Variants in NACC2 observed in about 807,000 individuals in gnomAD.
NACC2 encodes nucleus accumbens-associated protein 2.
Under a neutral mutation model 25.1 loss-of-function variants are expected in NACC2, and 8 were observed. That is an observed-to-expected ratio of 0.32 (90% confidence interval 0.19 to 0.57). The LOEUF is 0.57. NACC2 is among the 20% of genes least tolerant of loss of function. The probability of loss-of-function intolerance (pLI) is 0.89; values close to 1 mark genes in which losing one functional copy is unlikely to be tolerated. For missense variants in NACC2, 644 were observed against 650.2 expected, an observed-to-expected ratio of 0.99 and a Z score of 0.10; for synonymous variants, 435 against 294.7, an observed-to-expected ratio of 1.48 and a Z score of -4.88.
At chr9:136,078,437 C>T (rs1460788988) in intron 1 of NACC2, among the ~76,000 whole-genome samples, 2 of 152,168 alleles carry the variant, frequency 1.3e-5, no homozygotes, top group East Asian at 3.8e-4. Context: ...AATGGCAATC[C>T]TTAATACAGG....
At chr9:136,026,576 G>A (rs1840393675) in intron 2 of NACC2, among the ~76,000 whole-genome samples, 2 of 152,202 alleles carry the variant, frequency 1.3e-5, no homozygotes, top group South Asian at 2.1e-4. Context: ...AGGAGGGAGT[G>A]AGGTAACGCA....
In NACC2 at chr9:136,023,679, C is replaced by A. The variant is rs527649683; in HGVS notation, c.887-7250G>T. ...CTTTCCTGCTCTACATCCATCCACA[C>A]GTTTCTCAGACTTGCCCAAGGACAT... On this transcript the variant is annotated intron_variant, in intron 2 of 5. Coordinates refer to ENST00000277554, the MANE Select transcript of NACC2 (RefSeq NM_144653.5). Among the ~76,000 whole-genome samples the A allele has an allele frequency of 3.8e-4, 58 of 152,230 alleles. 1 individual carries two copies. The highest frequency in any genetic ancestry group is 5.6e-4 in the Non-Finnish European group (38 of 68,042).
At position 136,083,624 on chromosome 9, in the gene NACC2, C is replaced by T. The variant is rs536789931; in HGVS notation, c.-60+11565G>A. 6.6e-5 allele frequency among the ~76,000 whole-genome samples: 10 copies of T among 152,218 alleles called. No homozygotes were observed. The East Asian group carries it at 1.5e-3, about 24-fold the overall frequency. ...TGCAGAGGCCAGGCCGAGACTGGCA[C>T]GAGACGGGCATGAGCCCAGGGCACC... On this transcript the variant is annotated intron_variant, in intron 1 of 5. Transcript: ENST00000277554.
chr9:136,050,826 G>A (rs931376299), intron 1 of NACC2, among the ~76,000 whole-genome samples: 1 of 152,168 alleles, frequency 6.6e-6, no homozygotes, highest in African/African-American at 2.4e-5. Flanking sequence ...TGCCCGGCAG[G>A]AGTGCGCCCA....
At chr9:136,066,671 G>T (rs1018326725) in intron 1 of NACC2, among the ~76,000 whole-genome samples, 5 of 152,156 alleles carry the variant, frequency 3.3e-5, no homozygotes, top group Non-Finnish European at 7.3e-5. Flanking sequence ...GCATCCACAC[G>T]CAAACTTGTT....
intron 2 of NACC2, among the ~76,000 whole-genome samples, chr9:136,024,907 C>A (rs1199714462): frequency 6.6e-6 from 1 of 152,218 alleles, no homozygotes; most frequent in African/African-American, 2.4e-5. Context: ...GAGCCGGGAG[C>A]CTCGGGGCCC....
chr9:136,030,601 C>T (rs1840458856), intron 2 of NACC2, among the ~76,000 whole-genome samples: 2 of 148,560 alleles, frequency 1.3e-5, no homozygotes, highest in South Asian at 4.3e-4. Context: ...CAGAGCAAGA[C>T]TCCGTCTCAA....
At chr9:136,051,876 A>AAGGAGGAGGAGGAGG (rs1162435573) in intron 1 of NACC2, among the ~76,000 whole-genome samples, 1,973 of 131,856 alleles carry the variant, frequency 0.015, 82 homozygotes, top group East Asian at 0.062. Context: ...GGGAGCCGGC[A>AAGGAGGAGGAGGAGG]AGGAGGAGGA....
chr9:136,030,508 G>T (rs1012103508), intron 2 of NACC2, among the ~76,000 whole-genome samples: 3 of 151,982 alleles, frequency 2.0e-5, no homozygotes, highest in African/African-American at 7.2e-5. Context: ...TACTTGGGAG[G>T]CTGAGGCAGG....
At position 136,095,278 on chromosome 9, in the gene NACC2, T is replaced by C. The variant is rs929362654; in HGVS notation, c.-149A>G. 4.8e-5 allele frequency: 7 copies of C among 146,724 alleles called. No individual in the cohort carries two copies. The highest frequency in any genetic ancestry group is 7.6e-5 in the Non-Finnish European group (5 of 65,964). 9.1% of individuals were successfully genotyped at this position (146,724 alleles called of 1,614,324 possible). A position where few individuals can be genotyped will look rare whatever the true frequency, so the allele number is the denominator to read the frequency against. On this transcript the variant is annotated 5_prime_UTR_variant, in exon 1 of 6. The change abolishes an upstream ATG in the 5' untranslated region. Transcript: ENST00000277554. ...TGGCGTCCCGGCGCTCCGGCTCCCA[T>C]GGACTTTCTCCGACCTCGCCCAGCA...
chr9:136,045,772 C>T (rs1487753497), intron 2 of NACC2, among the ~76,000 whole-genome samples: 3 of 152,192 alleles, frequency 2.0e-5, no homozygotes, highest in East Asian at 3.9e-4. Flanking sequence ...CCCGTGCTGT[C>T]ATCTGCCCTG....
In NACC2 at chr9:136,084,184, A is replaced by C. The variant is rs1401967551; in HGVS notation, c.-60+11005T>G. Among the ~76,000 whole-genome samples the C allele has an allele frequency of 6.6e-6, 1 of 151,754 alleles. No individual in the cohort carries two copies. The highest frequency in any genetic ancestry group is 1.5e-5 in the Non-Finnish European group (1 of 67,918). ...TCCAGGAGCAGTGGGTTCCGATGAG[A>C]CCCTCAACACCCACTCACCAACCTG... On this transcript the variant is annotated intron_variant, in intron 1 of 5. Coordinates refer to ENST00000277554, the MANE Select transcript of NACC2 (RefSeq NM_144653.5). This position sits in a 1 kb window ranked among gnomAD's most constrained non-coding sequence, Gnocchi z 5.1.
chr9:136,084,219 C>T lies in NACC2; in HGVS notation c.-60+10970G>A, dbSNP rs994069900. 1.1e-4 allele frequency among the ~76,000 whole-genome samples: 17 copies of T among 152,086 alleles called. No homozygotes were observed. Among genetic ancestry groups the T allele is most frequent in the Non-Finnish European group, 1.5e-4 (10 of 68,026 alleles). On this transcript the variant is annotated intron_variant, in intron 1 of 5. Transcript: ENST00000277554. This position sits in a 1 kb window ranked among gnomAD's most constrained non-coding sequence, Gnocchi z 5.1. ...CCCACTCACCAACCTGCAGCCTCCC[C>T]GCTCCCAGGTCAAAGACCTCCACAC... is the stretch of plus-strand genomic sequence containing the variant.
At chr9:136,017,501 T>C (rs1840221101) in intron 2 of NACC2, among the ~76,000 whole-genome samples, 1 of 151,946 alleles carries the variant, frequency 6.6e-6, no homozygotes. Flanking sequence ...GGGCTCCCAC[T>C]TCCCTGTTGC....
intron 2 of NACC2, among the ~76,000 whole-genome samples, chr9:136,030,558 C>T (rs543488824): frequency 4.0e-5 from 6 of 151,656 alleles, no homozygotes; most frequent in African/African-American, 9.7e-5. Context: ...TGCAGTGAGC[C>T]GAGACTGCGC....
At chr9:136,061,192 G>A (rs1045929677) in intron 1 of NACC2, among the ~76,000 whole-genome samples, 4 of 152,122 alleles carry the variant, frequency 2.6e-5, no homozygotes, top group Admixed American at 6.5e-5. Flanking sequence ...AGACTGTGCC[G>A]GCTACCGGGG....
intron 2 of NACC2, among the ~76,000 whole-genome samples, chr9:136,029,513 G>A (rs1244967409): frequency 2.6e-5 from 4 of 152,236 alleles, no homozygotes; most frequent in Non-Finnish European, 4.4e-5. Flanking sequence ...AACACAAACA[G>A]GGCTGAAACA....
chr9:136,031,992 G>T (rs4842079), intron 2 of NACC2, among the ~76,000 whole-genome samples: 69,992 of 150,688 alleles, frequency 0.46, 16,692 homozygotes, highest in East Asian at 0.7. Flanking sequence ...TAAATGAATG[G>T]GGGGCAAGGG....
At chr9:136,079,757 G>A (rs1014269455) in intron 1 of NACC2, among the ~76,000 whole-genome samples, 3 of 152,184 alleles carry the variant, frequency 2.0e-5, no homozygotes, top group Non-Finnish European at 2.9e-5. Flanking sequence ...CCCATTCTGC[G>A]ACTAGGAATA....
Sources: allele counts gnomAD v4.1 joint callset (sites outside exome capture counted in the v4.1 genomes callset), GRCh38; gene constraint gnomAD v4.1.1; non-coding constraint Gnocchi (gnomAD v3.1); transcripts MANE v1.5; gene names NCBI Gene and HGNC (gene_info 2026-07-23, HGNC 2026-07-21).